Variants in SPOCK1 observed in about 807,000 individuals in gnomAD.
SPOCK1 encodes the protein SPARC (osteonectin), cwcv and kazal like domains proteoglycan 1, also known as testican-1.
SPOCK1 carries 23 observed loss-of-function variants against 55.3 expected under a neutral mutation model. The ratio of observed to expected loss-of-function variants is 0.42; its 90% CI spans 0.30 to 0.59. SPOCK1 has a LOEUF of 0.59. Ranked by LOEUF, SPOCK1 falls within the 20% of genes least tolerant of loss-of-function variation. The pLI, the probability that SPOCK1 is intolerant of heterozygous loss-of-function variation, is 0.22. For synonymous variants in SPOCK1, 226 were observed against 221.0 expected (o/e 1.02, Z -0.20); for missense variants, 499 against 552.5 (o/e 0.90, Z 0.97).
chr5:137,310,700 C>T (rs1757775015), intron 2 of SPOCK1, among the ~76,000 whole-genome samples: 1 of 152,180 alleles, frequency 6.6e-6, no homozygotes, highest in Admixed American at 6.5e-5. Flanking sequence ...AATGACAGTT[C>T]CAATGGAGGA....
intron 3 of SPOCK1, among the ~76,000 whole-genome samples, chr5:137,145,075 T>C (rs114342836): frequency 0.011 from 1,636 of 151,810 alleles, 40 homozygotes; most frequent in African/African-American, 0.038. Flanking sequence ...ATTTTATCTT[T>C]CCCACCTATA....
chr5:137,192,318 G>A (rs900735156), intron 3 of SPOCK1, among the ~76,000 whole-genome samples: 1 of 151,970 alleles, frequency 6.6e-6, no homozygotes, highest in African/African-American at 2.4e-5. Context: ...GAGAGACGGA[G>A]GGAGGAATGA....
At chr5:137,378,164 G>A (rs180954516) in intron 2 of SPOCK1, among the ~76,000 whole-genome samples, 5 of 152,158 alleles carry the variant, frequency 3.3e-5, no homozygotes, top group East Asian at 1.9e-4. Context: ...GGCTGGTCTC[G>A]AACTCCCAAC....
At chr5:137,301,527 G>A (rs1757588639) in intron 2 of SPOCK1, among the ~76,000 whole-genome samples, 1 of 151,742 alleles carries the variant, frequency 6.6e-6, no homozygotes, top group Non-Finnish European at 1.5e-5. Context: ...CTCTAGAACA[G>A]TCAGTCAATA....
At chr5:137,298,109 G>A (rs924245544) in intron 2 of SPOCK1, among the ~76,000 whole-genome samples, 1 of 152,082 alleles carries the variant, frequency 6.6e-6, no homozygotes, top group Non-Finnish European at 1.5e-5. Context: ...CTCTAAAACA[G>A]GAATAGTTGT....
At chr5:137,204,228 A>AT (rs58707746) in intron 3 of SPOCK1, among the ~76,000 whole-genome samples, 25,858 of 152,180 alleles carry the variant, frequency 0.17, 2,489 homozygotes, top group South Asian at 0.26. Flanking sequence ...TGCTAATATT[A>AT]TTTTTTTATT....
At chr5:137,007,120 C>CA (rs1334552844) in intron 6 of SPOCK1, among the ~76,000 whole-genome samples, 3 of 152,096 alleles carry the variant, frequency 2.0e-5, no homozygotes, top group Non-Finnish European at 2.9e-5. Context: ...CCCTTCCTTA[C>CA]ACCTCATACA....
chr5:137,206,264 C>T (rs1755519361), intron 3 of SPOCK1, among the ~76,000 whole-genome samples: 1 of 152,224 alleles, frequency 6.6e-6, no homozygotes, highest in South Asian at 2.1e-4. Flanking sequence ...AGAGTGCAAA[C>T]ACAAAGCCAC....
chr5:137,313,315 A>T, intron 2 of SPOCK1: 1 of 601,302 alleles, frequency 1.7e-6, no homozygotes. Context: ...ACAATCATTT[A>T]GTTGGAAGTA....
intron 6 of SPOCK1, among the ~76,000 whole-genome samples, chr5:137,044,362 C>T (rs1752064351): frequency 1.3e-5 from 2 of 152,068 alleles, no homozygotes; most frequent in Admixed American, 1.3e-4. Flanking sequence ...AAGTTTTAAC[C>T]AAAGCATTAA....
chr5:137,398,945 T>C (rs1041188543), intron 2 of SPOCK1, among the ~76,000 whole-genome samples: 1 of 152,172 alleles, frequency 6.6e-6, no homozygotes, highest in Non-Finnish European at 1.5e-5. Context: ...AACCTGACAC[T>C]GCAAGCAACT....
chr5:137,408,605 C>G (rs1752147544), intron 2 of SPOCK1, among the ~76,000 whole-genome samples: 1 of 152,194 alleles, frequency 6.6e-6, no homozygotes, highest in South Asian at 2.1e-4. Flanking sequence ...AGCTTAAGCT[C>G]CTAGCTGTGG....
intron 2 of SPOCK1, among the ~76,000 whole-genome samples, chr5:137,420,178 T>C (rs534572276): frequency 6.6e-6 from 1 of 152,366 alleles, no homozygotes; most frequent in South Asian, 2.1e-4. Context: ...CTTTTTGATG[T>C]GCTGCTGCAT....
At chr5:137,303,079 T>C (rs1399784642) in intron 2 of SPOCK1, among the ~76,000 whole-genome samples, 3 of 152,182 alleles carry the variant, frequency 2.0e-5, no homozygotes, top group African/African-American at 7.2e-5. Flanking sequence ...CAAACTGAAT[T>C]GGAAGAATCA....
intron 2 of SPOCK1, among the ~76,000 whole-genome samples, chr5:137,305,315 G>A (rs1757683342): frequency 6.6e-6 from 1 of 152,170 alleles, no homozygotes; most frequent in Non-Finnish European, 1.5e-5. Flanking sequence ...CACCCCGTGT[G>A]TCTGTGCCCC....
intron 3 of SPOCK1, among the ~76,000 whole-genome samples, chr5:137,185,230 A>C (rs539524026): frequency 1.3e-5 from 2 of 152,270 alleles, no homozygotes; most frequent in African/African-American, 2.4e-5. Flanking sequence ...GTGGCCAGAG[A>C]CTTTTTTATT....
At chr5:137,083,975 T>G (rs1752917048) in intron 5 of SPOCK1, among the ~76,000 whole-genome samples, 1 of 152,052 alleles carries the variant, frequency 6.6e-6, no homozygotes, top group African/African-American at 2.4e-5. Context: ...TCCATGACCT[T>G]CAGCCTGTCA....
intron 4 of SPOCK1, among the ~76,000 whole-genome samples, chr5:137,113,806 T>G (rs1753520976): frequency 6.6e-6 from 1 of 152,124 alleles, no homozygotes; most frequent in African/African-American, 2.4e-5. Flanking sequence ...TCCCCAGGCT[T>G]GGAATGGCAT....
intron 3 of SPOCK1, among the ~76,000 whole-genome samples, chr5:137,242,605 A>T (rs1340921029): frequency 6.6e-6 from 1 of 152,122 alleles, no homozygotes; most frequent in African/African-American, 2.4e-5. Flanking sequence ...AGACATGGTG[A>T]TGTACGCCTG....
Sources: allele counts gnomAD v4.1 joint callset (sites outside exome capture counted in the v4.1 genomes callset), GRCh38; gene constraint gnomAD v4.1.1; transcripts MANE v1.5; gene names NCBI Gene and HGNC (gene_info 2026-07-23, HGNC 2026-07-21).